The following ESAM variants were observed in gnomAD, a reference collection of about 807,000 sequenced individuals.
ESAM encodes endothelial cell-selective adhesion molecule.
Under a neutral mutation model 31.8 loss-of-function variants are expected in ESAM, and 23 were observed. The ratio of observed to expected loss-of-function variants is 0.72; its 90% CI spans 0.52 to 1.03. The LOEUF (loss-of-function observed/expected upper bound fraction) is 1.03, where lower values mean the gene tolerates loss of function less well. Among genes scored for constraint, ESAM ranks in the 50% least tolerant of loss-of-function variants. ESAM has a pLI of 0.00. For synonymous variants in ESAM, 216 were observed against 207.2 expected (o/e 1.04, Z -0.37); for missense variants, 478 against 488.9 (o/e 0.98, Z 0.21).
intron 2 of ESAM, 82 bp downstream of exon 2, chr11:124,758,267 C>A (rs1944179931): frequency 6.5e-7 from 1 of 1,545,386 alleles, no homozygotes. Context: ...TCCCTCTCCA[C>A]CCCTCCCACC....
intron 2 of ESAM, 159 bp from the exon 3 acceptor site, chr11:124,756,901 GC>G (rs1944162110): frequency 1.4e-6 from 1 of 725,264 alleles, no homozygotes; most frequent in Non-Finnish European, 2.3e-6. Context: ...TTTGTCCCTA[GC>G]CCCCTCTCAC....
rs200924772 is a variant in ESAM, at chr11:124,754,658, G to T, written c.713C>A (p.Thr238Lys). The change falls in exon 5 of 7, where the codon ACG becomes AAG. Residue 238 changes from threonine to lysine, a missense_variant. Coordinates refer to ENST00000278927, the MANE Select transcript of ESAM (RefSeq NM_138961.3). This position sits in a 1 kb window ranked among gnomAD's most constrained non-coding sequence, Gnocchi z 4.5. ...NEVGTAQCNV[T>K]LEVSTGPGAA... ...TCACTGACCTGTGCTCACTTCCAGC[G>T]TCACATTACATTGGGCAGTGCCCAC... 8 of 1,613,350 alleles carry T rather than the reference G, an allele frequency of 5.0e-6. No homozygotes were observed. The highest frequency in any genetic ancestry group is 1.1e-5 in the South Asian group (1 of 90,908).
At position 124,754,080 on chromosome 11, in the gene ESAM, C is replaced by T; in HGVS notation, c.858-119G>A. 1 of 1,550,798 alleles carries T rather than the reference C, an allele frequency of 6.4e-7. No homozygotes were observed. The highest frequency in any genetic ancestry group is 2.2e-5 in the East Asian group (1 of 44,456). ...CACACTTCAGTACTCCTTTCCCTCT[C>T]CCTTAAAACCTGCCCATAGGAATGA... On this transcript the variant is annotated intron_variant, in intron 6 of 6. Coordinates refer to ENST00000278927, the MANE Select transcript of ESAM (RefSeq NM_138961.3). The surrounding 1 kb of genome is among the most constrained non-coding windows in gnomAD (Gnocchi z 4.5).
Position 124,762,064 on chromosome 11 carries a change from C to T in ESAM, c.70+21G>A. On this transcript the variant is annotated intron_variant, in intron 1 of 6. Transcript: ENST00000278927. The surrounding 1 kb of genome is among the most constrained non-coding windows in gnomAD (Gnocchi z 6.4). ...CCCCATCCCGCATCCCAAGTCCCCT[C>T]CAGGTCCGGGTTTCACTCACCGAGG... is the stretch of plus-strand genomic sequence containing the variant. 1 of 1,607,588 alleles carries T rather than the reference C, an allele frequency of 6.2e-7. No homozygotes were observed. Among genetic ancestry groups the T allele is most frequent in the Non-Finnish European group, 8.5e-7 (1 of 1,176,788 alleles).
intron 4 of ESAM, among the ~76,000 whole-genome samples, chr11:124,755,741 A>T (rs917324284): frequency 2.6e-5 from 4 of 152,242 alleles, no homozygotes; most frequent in Non-Finnish European, 4.4e-5. Flanking sequence ...GTCGTTCCAT[A>T]TGACCACAAT....
In ESAM at chr11:124,754,369, C is replaced by G. The variant is rs1376938643; in HGVS notation, c.731-29G>C. On this transcript the variant is annotated intron_variant, in intron 5 of 6. Coordinates refer to ENST00000278927, the MANE Select transcript of ESAM (RefSeq NM_138961.3). The surrounding 1 kb of genome is among the most constrained non-coding windows in gnomAD (Gnocchi z 4.5). ...GAAAAGGCGTCGTGTCAGAGGAGGA[C>G]ACCCAGCTGAGGGGTTCTCACCCCT... 6.2e-7 allele frequency: 1 copy of G among 1,611,856 alleles called. No individual in the cohort carries two copies. Among genetic ancestry groups the G allele is most frequent in the African/African-American group, 1.3e-5 (1 of 75,002 alleles).
At position 124,753,380 on chromosome 11, in the gene ESAM, G is replaced by A. The variant is rs962121689; in HGVS notation, c.*266C>T. The A allele has an allele frequency of 1.3e-5, 6 of 479,052 alleles. No homozygotes were observed. Among genetic ancestry groups the A allele is most frequent in the Admixed American group, 7.5e-5 (2 of 26,730 alleles). The allele number at this position is 479,052 out of a possible 1,614,324, so 29.7% of individuals were successfully genotyped here. A position where few individuals can be genotyped will look rare whatever the true frequency, so the allele number is the denominator to read the frequency against. ...AGTCTCTGCCCCTCACTCTTGGTGAGTAGCTAATTTCAGCAGCTGGCTTCA... is the reference window on the plus strand; with the variant it reads ...AGTCTCTGCCCCTCACTCTTGGTGAATAGCTAATTTCAGCAGCTGGCTTCA... On this transcript the variant is annotated 3_prime_UTR_variant, in exon 7 of 7. Transcript: ENST00000278927.
chr11:124,756,588 C>G lies in ESAM; in HGVS notation c.404G>C (p.Gly135Ala), dbSNP rs143429201. 1 of 1,613,974 alleles carries G rather than the reference C, an allele frequency of 6.2e-7. No homozygotes were observed. Among genetic ancestry groups the G allele is most frequent in the Non-Finnish European group, 8.5e-7 (1 of 1,180,022 alleles). The change falls in exon 3 of 7, where the codon GGC (glycine) becomes GCC (alanine). Residue 135 changes from glycine to alanine, a missense_variant. Coordinates refer to ENST00000278927, the MANE Select transcript of ESAM (RefSeq NM_138961.3). The part of the protein sequence containing the change: ...SCSVNVQDKQ[G>A]KSRGHSIKTL... ...TTTGATGCTGTGGCCCCTAGATTTGCCTTGTTTGTCTTGCACATTCACGGA... is the reference window on the plus strand; with the variant it reads ...TTTGATGCTGTGGCCCCTAGATTTGGCTTGTTTGTCTTGCACATTCACGGA...
chr11:124,761,866 C>G (rs1414994949), intron 1 of ESAM, among the ~76,000 whole-genome samples: 4 of 152,040 alleles, frequency 2.6e-5, no homozygotes, highest in Non-Finnish European at 5.9e-5. Flanking sequence ...GATGCCCTTA[C>G]CTCCCCCCGC....
chr11:124,760,899 T>G (rs553631900), intron 1 of ESAM, among the ~76,000 whole-genome samples: 1 of 151,884 alleles, frequency 6.6e-6, no homozygotes, highest in Non-Finnish European at 1.5e-5. Flanking sequence ...GGATGAGAAG[T>G]CTGAGGGATC....
chr11:124,760,800 C>T (rs2134463933), intron 1 of ESAM, among the ~76,000 whole-genome samples: 1 of 149,468 alleles, frequency 6.7e-6, no homozygotes, highest in South Asian at 2.1e-4. Context: ...TTCAGAGATT[C>T]CCCCAGCCCC....
rs1437598931 is a variant in ESAM, at chr11:124,753,884, G to T, written c.935C>A (p.Ser312Tyr). 1 of 1,614,024 alleles carries T rather than the reference G, an allele frequency of 6.2e-7. No homozygotes were observed. Among genetic ancestry groups the T allele is most frequent in the East Asian group, 2.2e-5 (1 of 44,882 alleles). Reference sequence around the variant, plus strand: ...CCGGAGGGCTCGTGCGGAGGTGACAGAGGAAAGGGTCCCATTCTTGGAGAT... The same window carrying T: ...CCGGAGGGCTCGTGCGGAGGTGACATAGGAAAGGGTCCCATTCTTGGAGAT... ...DTISKNGTLS[S>Y]VTSARALRPP... Residue 312 changes from serine to tyrosine, a missense_variant, in exon 7 of 7, where the codon TCT (serine) becomes TAT (tyrosine). Ser to Tyr is a moderately radical substitution (Grantham distance 144, BLOSUM62 -2). Coordinates refer to ENST00000278927, the MANE Select transcript of ESAM (RefSeq NM_138961.3).
intron 1 of ESAM, among the ~76,000 whole-genome samples, chr11:124,761,713 C>A (rs1215916849): frequency 1.3e-5 from 2 of 148,604 alleles, no homozygotes; most frequent in Non-Finnish European, 3.0e-5. Context: ...TGAGAGGGGG[C>A]TAGAGTTAAG....
intron 1 of ESAM, among the ~76,000 whole-genome samples, chr11:124,760,664 C>A (rs550393885): frequency 6.6e-6 from 1 of 152,238 alleles, no homozygotes; most frequent in Non-Finnish European, 1.5e-5. Flanking sequence ...CCGATTGGAA[C>A]TTTTGAGTCC....
At chr11:124,761,482 T>C (rs1944227381) in intron 1 of ESAM, among the ~76,000 whole-genome samples, 1 of 151,564 alleles carries the variant, frequency 6.6e-6, no homozygotes, top group African/African-American at 2.4e-5. Flanking sequence ...CACAATTCTG[T>C]TTCTCTGTGC....
rs1944195846 is a variant in ESAM, at chr11:124,759,196, G to A, written c.71-669C>T. 2.6e-5 allele frequency: 4 copies of A among 152,366 alleles called. No homozygotes were observed. In the South Asian group the frequency reaches 8.3e-4, roughly 32 times the overall value. The allele number at this position is 152,366 out of a possible 1,614,324, so 9.4% of individuals were successfully genotyped here. Reference sequence around the variant, plus strand: ...CCAGAAAGCTCCTCGGAGCCCTTCTGGGGTTCGGGCGATCTGGGCAGAGAA... The same window carrying A: ...CCAGAAAGCTCCTCGGAGCCCTTCTAGGGTTCGGGCGATCTGGGCAGAGAA... On this transcript the variant is annotated intron_variant, in intron 1 of 6. Transcript: ENST00000278927. The surrounding 1 kb of genome is among the most constrained non-coding windows in gnomAD (Gnocchi z 6.8).
In ESAM at chr11:124,759,817, G is replaced by A. The variant is rs1171005161; in HGVS notation, c.71-1290C>T. ...ATAAGGCAGAAGACAATGAAGGGGG[G>A]GCCACTAGACCGGAGGCTCTACGGG... On this transcript the variant is annotated intron_variant, in intron 1 of 6. Coordinates refer to ENST00000278927, the MANE Select transcript of ESAM (RefSeq NM_138961.3). The surrounding 1 kb of genome is among the most constrained non-coding windows in gnomAD (Gnocchi z 6.8). Among the ~76,000 whole-genome samples, 1 of 152,206 alleles carries A rather than the reference G, an allele frequency of 6.6e-6. No homozygotes were observed. Among genetic ancestry groups the A allele is most frequent in the Non-Finnish European group, 1.5e-5 (1 of 68,034 alleles).
rs759135722 is a variant in ESAM, at chr11:124,754,726, C to A, written c.645G>T (p.Ser215=). The A allele has an allele frequency of 9.9e-6, 16 of 1,613,744 alleles. No homozygotes were observed. The highest frequency in any genetic ancestry group is 1.3e-5 in the African/African-American group (1 of 74,796). Residue 215 remains serine (S), a synonymous_variant, in exon 5 of 7, where the codon TCG becomes TCT. Transcript: ENST00000278927. The surrounding 1 kb of genome is among the most constrained non-coding windows in gnomAD (Gnocchi z 4.5). The part of the protein sequence containing the change: ...IRGSLSLTNL[S]SSMAGVYVCK... ...AGACATAGACTCCAGCCATGGAAGA[C>A]GAAAGGTTGGTGAGGCTTAAAGACC...
At chr11:124,757,329 G>T in intron 2 of ESAM, 1 of 155,700 alleles carries the variant, frequency 6.4e-6, no homozygotes, top group Non-Finnish European at 1.4e-5. Context: ...TACTCAGGGG[G>T]CTGAGGTGGA....
Sources: gnomAD v4.1 joint callset for allele counts (sites outside exome capture counted in the v4.1 genomes callset) on GRCh38, gnomAD v4.1.1 for gene constraint, Gnocchi (gnomAD v3.1) non-coding constraint, MANE v1.5 for transcripts, NCBI Gene and HGNC (gene_info 2026-07-23, HGNC 2026-07-21) for gene names.